The following FBXL13 variants were observed in gnomAD, a reference collection of about 807,000 sequenced individuals.
FBXL13 encodes the protein F-box and leucine-rich repeat protein 13.
A neutral mutation model predicts 83.6 loss-of-function variants in FBXL13; 67 were observed. The ratio of observed to expected loss-of-function variants is 0.80; its 90% CI spans 0.66 to 0.98. FBXL13 has a LOEUF of 0.98. Ranked by LOEUF, FBXL13 falls within the 50% of genes least tolerant of loss-of-function variation. The probability of loss-of-function intolerance (pLI) is 0.00; values close to 1 mark genes in which losing one functional copy is unlikely to be tolerated. For missense variants in FBXL13, 822 were observed against 866.5 expected (o/e 0.95, Z 0.64); for synonymous variants, 272 against 299.5 (o/e 0.91, Z 0.95).
intron 11 of FBXL13, among the ~76,000 whole-genome samples, 179 bp from the exon 13 acceptor site, chr7:102,884,491 A>G (rs982772721): frequency 1.3e-5 from 2 of 152,144 alleles, no homozygotes; most frequent in East Asian, 3.8e-4. Context: ...TTAATTTTTT[A>G]TCGAGGTAAA....
chr7:102,835,632 C>T (rs1364870812), intron 17 of FBXL13, among the ~76,000 whole-genome samples: 5 of 83,038 alleles, frequency 6.0e-5, no homozygotes, highest in South Asian at 4.8e-4. Flanking sequence ...TTTTTTGAGA[C>T]GGAGTCTCGC....
At chr7:102,858,940 C>G (rs1563004716) in intron 16 of FBXL13, among the ~76,000 whole-genome samples, 1 of 152,104 alleles carries the variant, frequency 6.6e-6, no homozygotes, top group Non-Finnish European at 1.5e-5. Context: ...CCACCACAAA[C>G]AAACATACTA....
In FBXL13 at chr7:102,909,865, G is replaced by A. The variant is rs74411169; in HGVS notation, c.1008+3221C>T. 3.7e-3 allele frequency among the ~76,000 whole-genome samples: 567 copies of A among 152,252 alleles called. 5 individuals carry two copies. Among genetic ancestry groups the A allele is most frequent in the African/African-American group, 0.013 (560 of 41,524 alleles). On this transcript the variant is annotated intron_variant, in intron 11 of 19. Transcript: ENST00000313221. ...TGTGAGGCTTGGGGCTGGTTGAGGG[G>A]CAATGCCAGTACTCCCTTGGCTGCT...
intron 7 of FBXL13, among the ~76,000 whole-genome samples, chr7:102,963,903 AC>A (rs2129479794): frequency 6.6e-6 from 1 of 152,284 alleles, no homozygotes; most frequent in African/African-American, 2.4e-5. Flanking sequence ...AGCAAAAACA[AC>A]CCCATAAAAA....
intron 16 of FBXL13, among the ~76,000 whole-genome samples, chr7:102,868,802 G>C (rs1339032362): frequency 1.3e-5 from 2 of 152,172 alleles, no homozygotes; most frequent in Admixed American, 6.5e-5. Flanking sequence ...CAAGTAGCTG[G>C]GATCACAGGT....
chr7:102,882,588 C>G (rs1158180294), intron 14 of FBXL13, among the ~76,000 whole-genome samples: 1 of 151,972 alleles, frequency 6.6e-6, no homozygotes, highest in Non-Finnish European at 1.5e-5. Context: ...GTGGTAAAAC[C>G]CTCTCTCTAC....
Position 102,838,932 on chromosome 7 carries a change from A to C in FBXL13, c.1720-5958T>G, listed in dbSNP as rs191708415. Among the ~76,000 whole-genome samples the C allele has an allele frequency of 2.5e-4, 38 of 152,302 alleles. No individual in the cohort carries two copies. In the East Asian group the frequency reaches 5.6e-3, roughly 22 times the overall value. On this transcript the variant is annotated intron_variant, in intron 17 of 19. Coordinates refer to ENST00000313221, the Ensembl canonical transcript of FBXL13. ...ATGGTCCCCCAGCCCGACACCCGTGAAGGGTCTGTGCTGAGGAGGATAGTA... is the reference window on the plus strand; with the variant it reads ...ATGGTCCCCCAGCCCGACACCCGTGCAGGGTCTGTGCTGAGGAGGATAGTA...
At chr7:103,040,963 A>G (rs1409439962) in intron 2 of FBXL13, among the ~76,000 whole-genome samples, 2 of 152,226 alleles carry the variant, frequency 1.3e-5, no homozygotes, top group African/African-American at 4.8e-5. Context: ...GCAGAAGGCA[A>G]GAAATAACTA....
rs549679187 is a variant in FBXL13, at chr7:102,996,146, AAT to A, written c.496-28031_496-28030del. Among the ~76,000 whole-genome samples, 159 of 152,340 alleles carry A rather than the reference AAT, an allele frequency of 1.0e-3. 1 individual carries two copies. The highest frequency in any genetic ancestry group is 1.7e-3 in the Non-Finnish European group (117 of 68,034). Reference sequence around the variant, plus strand: ...GAGTCCTGAGCCTGGACTTTTAATCAATATATTGTCAAACTAAAAGATTGCTG... The same window carrying A: ...GAGTCCTGAGCCTGGACTTTTAATCAATATTGTCAAACTAAAAGATTGCTG... On this transcript the variant is annotated intron_variant, in intron 6 of 19. Transcript: ENST00000313221.
intron 11 of FBXL13, among the ~76,000 whole-genome samples, chr7:102,908,116 T>G (rs536557712): frequency 6.6e-6 from 1 of 152,356 alleles, no homozygotes; most frequent in African/African-American, 2.4e-5. Context: ...CATTCTTTTT[T>G]ATTTTGTCTC....
At chr7:102,959,369 T>C (rs973982241) in intron 8 of FBXL13, among the ~76,000 whole-genome samples, 1 of 152,122 alleles carries the variant, frequency 6.6e-6, no homozygotes, top group African/African-American at 2.4e-5. Context: ...GTTTGGAGTT[T>C]TTCTTTCTCA....
chr7:103,024,833 G>GTATATATATATATATATA (rs1232363692), intron 6 of FBXL13, among the ~76,000 whole-genome samples: 1 of 95,982 alleles, frequency 1.0e-5, no homozygotes, highest in African/African-American at 4.6e-5. Context: ...ATATATATGT[G>GTATATATATATATATATA]TATATATATA....
intron 8 of FBXL13, among the ~76,000 whole-genome samples, chr7:102,959,271 T>TA (rs1473099627): frequency 6.6e-6 from 1 of 152,062 alleles, no homozygotes; most frequent in African/African-American, 2.4e-5. Context: ...TTTTTTTCAC[T>TA]AAAAAATGTA....
intron 1 of FBXL13, among the ~76,000 whole-genome samples, chr7:103,056,781 G>A (rs544066794): frequency 2.6e-5 from 4 of 151,940 alleles, no homozygotes; most frequent in African/African-American, 9.6e-5. Context: ...CACCAGCAGT[G>A]TAGAAGTGTT....
chr7:102,889,827 T>C (rs904120024), intron 11 of FBXL13, among the ~76,000 whole-genome samples: 5 of 152,210 alleles, frequency 3.3e-5, no homozygotes, highest in African/African-American at 7.2e-5. Context: ...TCTCTAATAA[T>C]GGTTTTCATA....
At chr7:102,944,653 G>T in intron 8 of FBXL13, 4 of 1,480,344 alleles carry the variant, frequency 2.7e-6, no homozygotes, top group Non-Finnish European at 3.6e-6. Flanking sequence ...TTTCTATACT[G>T]GTGTTAGAAA....
At chr7:103,055,415 C>T (rs1015646552) in intron 2 of FBXL13, among the ~76,000 whole-genome samples, 2 of 152,044 alleles carry the variant, frequency 1.3e-5, no homozygotes, top group Admixed American at 6.6e-5. Context: ...TGAAATAAAC[C>T]GGCCCTATGA....
chr7:102,939,567 A>AT, intron 8 of FBXL13: 6 of 1,613,674 alleles, frequency 3.7e-6, no homozygotes, highest in Non-Finnish European at 5.1e-6. Flanking sequence ...CAGCAATGGC[A>AT]TTGAATTCAT....
intron 8 of FBXL13, among the ~76,000 whole-genome samples, chr7:102,946,422 T>C (rs1489444614): frequency 6.6e-6 from 1 of 152,198 alleles, no homozygotes; most frequent in Non-Finnish European, 1.5e-5. Flanking sequence ...GTAAAAGTTA[T>C]CCTTGTCCAT....
Sources: allele counts gnomAD v4.1 joint callset (sites outside exome capture counted in the v4.1 genomes callset), GRCh38; gene constraint gnomAD v4.1.1; transcripts MANE v1.5; gene names NCBI Gene and HGNC (gene_info 2026-07-23, HGNC 2026-07-21).